Variants in CPT1C observed in about 807,000 individuals in gnomAD.
CPT1C encodes the protein palmitoyl thioesterase CPT1C.
A neutral mutation model predicts 97.3 loss-of-function variants in CPT1C; 61 were observed. The ratio of observed to expected loss-of-function variants is 0.63; its 90% confidence interval spans 0.51 to 0.78. The LOEUF (loss-of-function observed/expected upper bound fraction) is 0.78. CPT1C is among the 30% of genes least tolerant of loss of function. The pLI is 0.00. For missense variants in CPT1C, 975 were observed against 1,065.5 expected (o/e 0.92, Z 1.18); for synonymous variants, 469 against 447.2 (o/e 1.05, Z -0.61).
In CPT1C at chr19:49,713,463, A is replaced by C; in HGVS notation, c.2270A>C (p.Asp757Ala). 6.2e-7 allele frequency: 1 copy of C among 1,614,146 alleles called. No homozygotes were observed. Among genetic ancestry groups the C allele is most frequent in the Non-Finnish European group, 8.5e-7 (1 of 1,179,992 alleles). ...LGQHIEDALLDVASLFQAGQH... is the reference protein window; with the variant it reads ...LGQHIEDALLAVASLFQAGQH... Reference sequence around the variant, plus strand: ...CAGCACATTGAGGACGCACTGCTGGATGTGGCCTCCCTGTTCCAGGCGGGA... The same window carrying C: ...CAGCACATTGAGGACGCACTGCTGGCTGTGGCCTCCCTGTTCCAGGCGGGA... The change falls in exon 20 of 20, where the codon GAT becomes GCT. Residue 757 changes from aspartate (D) to alanine (A), a missense_variant. Physicochemically the swap from Asp to Ala is moderately radical, Grantham distance 126 (BLOSUM62 -2). This residue lies in a region of CPT1C where 344 missense variants were observed against 395.7 expected (regional missense o/e 0.87). Transcript: ENST00000598293.
In CPT1C at chr19:49,712,976, A is replaced by G; in HGVS notation, c.2138A>G (p.Asp713Gly). The G allele has an allele frequency of 6.2e-7, 1 of 1,613,818 alleles. No individual in the cohort carries two copies. The highest frequency in any genetic ancestry group is 1.1e-5 in the South Asian group (1 of 91,066). ...CTTCACTCTTTCCGTCTCCAGGCTG[A>G]TGACCATGGTTATGGTGTTTCTTAT... ...VSSGGGFGPA[D>G]DHGYGVSYIF... The change falls in exon 19 of 20, where the codon GAT (aspartate) becomes GGT (glycine). Residue 713 changes from aspartate to glycine, a missense_variant. Physicochemically the swap from Asp to Gly is moderately conservative, Grantham distance 94. Transcript: ENST00000598293.
chr19:49,697,504 C>T (rs780471566), intron 4 of CPT1C, 39 bp downstream of exon 4: 2 of 1,603,346 alleles, frequency 1.2e-6, no homozygotes, highest in Non-Finnish European at 1.7e-6. Context: ...CCCCCAATCA[C>T]TCTCCCTTCA....
Position 49,705,109 on chromosome 19 carries a change from C to A in CPT1C, c.874C>A (p.Pro292Thr). ...CCACCGCCTGAACCGCCAGGAGATA[C>A]CCCCGGTGAGAGGGCCCCAGTGGGT... The part of the protein sequence containing the change: ...YRHRLNRQEI[P>T]PTLLMGMRPL... The change falls in exon 9 of 20, where the codon CCC becomes ACC. Residue 292 changes from proline (P) to threonine (T), a missense_variant. Pro to Thr is a conservative substitution (Grantham distance 38, BLOSUM62 -1). Around this residue, in one of 3 missense-constraint regions of CPT1C, gnomAD observed 596 missense variants for 603.1 expected, o/e 0.99. Transcript: ENST00000598293. The A allele has an allele frequency of 4.3e-6, 7 of 1,613,874 alleles. No individual in the cohort carries two copies. The highest frequency in any genetic ancestry group is 5.9e-6 in the Non-Finnish European group (7 of 1,179,848).
chr19:49,692,204 G>A (rs1468384378), intron 2 of CPT1C, 35 bp from the exon 3 acceptor site: 4 of 1,604,814 alleles, frequency 2.5e-6, no homozygotes, highest in Middle Eastern at 2.1e-4. Context: ...GGGCGGAGGG[G>A]CTGGGGTCCT....
intron 3 of CPT1C, among the ~76,000 whole-genome samples, chr19:49,694,554 AG>A (rs2082548387): frequency 6.7e-6 from 1 of 149,782 alleles, no homozygotes; most frequent in Admixed American, 6.7e-5. Flanking sequence ...ACTTGAATCC[AG>A]GAGGCAGAGA....
intron 7 of CPT1C, among the ~76,000 whole-genome samples, chr19:49,702,630 A>AG (rs2083243996): frequency 6.6e-6 from 1 of 150,874 alleles, no homozygotes. Flanking sequence ...AAAAAAAAAA[A>AG]AAGAAAAGAA....
Position 49,695,574 on chromosome 19 carries a change from T to G in CPT1C, c.142-1752T>G, listed in dbSNP as rs185067626. 2.9e-3 allele frequency among the ~76,000 whole-genome samples: 418 copies of G among 145,836 alleles called. 3 individuals are homozygous for G. The highest frequency in any genetic ancestry group is 4.0e-3 in the Non-Finnish European group (271 of 67,036). ...TGCTGGGACTACAGGCATGATCCAC[T>G]GCACCTGGCCTTTTTTTTTTTTTTT... On this transcript the variant is annotated intron_variant, in intron 3 of 19. Transcript: ENST00000598293.
chr19:49,707,673 A>G (rs2083582958), intron 13 of CPT1C, 50 bp downstream of exon 13: 24 of 1,256,514 alleles, frequency 1.9e-5, no homozygotes, highest in Non-Finnish European at 2.7e-5. Context: ...CCCATCTCCA[A>G]AGACCGTCCT....
At position 49,712,846 on chromosome 19, in the gene CPT1C, G is replaced by C. The variant is rs2083993191; in HGVS notation, c.2130G>C (p.Gly710=). ...PDYVSSGGGF[G]PADDHGYGVS... ...ATGTTTCCTCAGGCGGTGGATTCGG[G>C]CCTGTGAGTGGAGCTGGGCGCGCTG... The change falls in exon 18 of 20, where the codon GGG becomes GGC. Residue 710 remains glycine, a synonymous_variant. Transcript: ENST00000598293. 6.6e-7 allele frequency: 1 copy of C among 1,520,270 alleles called. No individual in the cohort carries two copies. The highest frequency in any genetic ancestry group is 2.1e-5 in the African/African-American group (1 of 46,560). 94.2% of individuals were successfully genotyped at this position (1,520,270 alleles called of 1,614,324 possible). A position where few individuals can be genotyped will look rare whatever the true frequency, so the allele number is the denominator to read the frequency against.
intron 3 of CPT1C, among the ~76,000 whole-genome samples, chr19:49,694,064 CAAAAA>C (rs920616977): frequency 7.8e-6 from 1 of 128,774 alleles, no homozygotes; most frequent in Non-Finnish European, 1.7e-5. Flanking sequence ...GACTCCGTCT[CAAAAA>C]AAAATAAAAT....
At chr19:49,692,841 T>G (rs2082431688) in intron 3 of CPT1C, among the ~76,000 whole-genome samples, 1 of 152,168 alleles carries the variant, frequency 6.6e-6, no homozygotes, top group African/African-American at 2.4e-5. Context: ...ATTCCCTGCC[T>G]CAGCCTCCCA....
At chr19:49,692,194 G>C in intron 2 of CPT1C, 45 bp from the exon 3 acceptor site, 2 of 1,597,328 alleles carry the variant, frequency 1.3e-6, no homozygotes, top group Non-Finnish European at 1.7e-6. Flanking sequence ...CTGAGTCTGA[G>C]GGCGGAGGGG....
At chr19:49,701,464 C>T (rs1600079433) in intron 6 of CPT1C, 33 bp from the exon 7 acceptor site, 7 of 1,591,234 alleles carry the variant, frequency 4.4e-6, no homozygotes, top group East Asian at 2.3e-5. Flanking sequence ...CGGGGCGGGC[C>T]GGGGGCGTGA....
At position 49,713,037 on chromosome 19, in the gene CPT1C, C is replaced by T. The variant is rs919455843; in HGVS notation, c.2199C>T (p.Ile733=). ...FMGDGMITFH[I]SSKKSSTKTD... is the part of the protein sequence containing the mutation. Reference sequence around the variant, plus strand: ...GGGATGGCATGATCACCTTCCACATCTCCAGCAAAAAATCAAGCACAAAAA... The same window carrying T: ...GGGATGGCATGATCACCTTCCACATTTCCAGCAAAAAATCAAGCACAAAAA... The change falls in exon 19 of 20, where the codon ATC becomes ATT. Residue 733 remains isoleucine (I), a synonymous_variant. Coordinates refer to ENST00000598293, the MANE Select transcript of CPT1C (RefSeq NM_001199753.2). 1 of 1,614,046 alleles carries T rather than the reference C, an allele frequency of 6.2e-7. No individual in the cohort carries two copies. The highest frequency in any genetic ancestry group is 1.1e-5 in the South Asian group (1 of 91,082).
intron 14 of CPT1C, among the ~76,000 whole-genome samples, chr19:49,709,912 T>C (rs1456611827): frequency 6.6e-6 from 1 of 150,688 alleles, no homozygotes; most frequent in African/African-American, 2.5e-5. Flanking sequence ...AGTGGTGCGA[T>C]CTCAGCTCAC....
intron 15 of CPT1C, 87 bp downstream of exon 15, chr19:49,710,571 C>G (rs537838526): frequency 1.3e-6 from 2 of 1,575,938 alleles, no homozygotes; most frequent in African/African-American, 1.3e-5. Flanking sequence ...TCCTTGTGGT[C>G]GCTGCCATTG....
intron 5 of CPT1C, 108 bp downstream of exon 5, chr19:49,700,963 TG>T (rs999503847): frequency 9.2e-5 from 111 of 1,202,938 alleles, no homozygotes; most frequent in Non-Finnish European, 1.9e-5. Flanking sequence ...CCTCTCTCTC[TG>T]GGTCTCTTCC....
intron 7 of CPT1C, 144 bp from the exon 8 acceptor site, chr19:49,704,566 C>T (rs1438129850): frequency 1.2e-5 from 8 of 652,570 alleles, no homozygotes; most frequent in Middle Eastern, 4.1e-4. Context: ...TCTAGGTGAT[C>T]GCTAGTTACT....
chr19:49,694,811 G>A (rs1315529654), intron 3 of CPT1C, among the ~76,000 whole-genome samples: 8 of 151,820 alleles, frequency 5.3e-5, no homozygotes, highest in Non-Finnish European at 8.8e-5. Flanking sequence ...GGACTCCTTG[G>A]GCCTCAGGCC....
Sources: allele counts gnomAD v4.1 joint callset (sites outside exome capture counted in the v4.1 genomes callset), GRCh38; gene constraint gnomAD v4.1.1; regional missense constraint gnomAD v4.1.1; transcripts MANE v1.5; gene names NCBI Gene and HGNC (gene_info 2026-07-23, HGNC 2026-07-21).